The following AGBL4 variants were observed in gnomAD, a reference collection of about 807,000 sequenced individuals.
AGBL4 encodes cytosolic carboxypeptidase 6.
A neutral mutation model predicts 66.4 loss-of-function variants in AGBL4; 58 were observed. That is an observed-to-expected ratio of 0.87 (90% CI 0.71 to 1.09). The LOEUF is 1.09. Ranked by LOEUF, AGBL4 falls within the 50% of genes least tolerant of loss-of-function variation. The pLI, the probability that AGBL4 is intolerant of heterozygous loss-of-function variation, is 0.00. For synonymous variants in AGBL4, 234 were observed against 222.9 expected, an observed-to-expected ratio of 1.05 and a Z score of -0.44; for missense variants, 579 against 631.0, an observed-to-expected ratio of 0.92 and a Z score of 0.88.
chr1:49,303,375 T>G (rs1644789570), intron 3 of AGBL4, among the ~76,000 whole-genome samples: 1 of 152,204 alleles, frequency 6.6e-6, no homozygotes, highest in Non-Finnish European at 1.5e-5. Flanking sequence ...GGAATCTCAC[T>G]GTGGCTTTGA....
intron 6 of AGBL4, chr1:48,759,319 G>A (rs1220645201): frequency 6.5e-7 from 1 of 1,538,530 alleles, no homozygotes; most frequent in Non-Finnish European, 8.8e-7. Context: ...TCAGGCAAGG[G>A]CAGCTGGGAT....
chr1:49,153,551 T>A (rs1292467333), intron 4 of AGBL4, among the ~76,000 whole-genome samples: 1 of 152,088 alleles, frequency 6.6e-6, no homozygotes, highest in Non-Finnish European at 1.5e-5. Context: ...CACCATCTAA[T>A]AGAGTAAGTA....
intron 2 of AGBL4, among the ~76,000 whole-genome samples, chr1:49,711,473 G>C (rs1368629152): frequency 6.6e-6 from 1 of 151,890 alleles, no homozygotes; most frequent in African/African-American, 2.4e-5. Flanking sequence ...AAATAAAAAG[G>C]TCACACAAAA....
Position 49,406,031 on chromosome 1 carries a change from T to G in AGBL4, c.283-160167A>C, listed in dbSNP as rs145566019. ...CAACCACTATCCTTCAATTCTAGTC[T>G]CTGCTGCCCAAACAATCTTAACATA... On this transcript the variant is annotated intron_variant, in intron 3 of 13. Coordinates refer to ENST00000371839, the MANE Select transcript of AGBL4 (RefSeq NM_032785.4). Among the ~76,000 whole-genome samples, 231 of 152,352 alleles carry G rather than the reference T, an allele frequency of 1.5e-3. 2 individuals are homozygous for G. Among genetic ancestry groups the G allele is most frequent in the Middle Eastern group, 6.8e-3 (2 of 294 alleles).
chr1:48,830,916 C>T (rs909140169), intron 6 of AGBL4, among the ~76,000 whole-genome samples: 2 of 152,078 alleles, frequency 1.3e-5, no homozygotes, highest in African/African-American at 4.8e-5. Context: ...CTAGACATTC[C>T]CATTGAACAA....
intron 1 of AGBL4, among the ~76,000 whole-genome samples, chr1:49,881,255 A>T (rs1171256325): frequency 6.6e-6 from 1 of 152,100 alleles, no homozygotes; most frequent in African/African-American, 2.4e-5. Flanking sequence ...TCCATGGTGT[A>T]TATGTGCCAC....
intron 4 of AGBL4, among the ~76,000 whole-genome samples, chr1:49,218,941 C>T (rs1221380508): frequency 1.3e-5 from 2 of 152,150 alleles, no homozygotes; most frequent in Non-Finnish European, 2.9e-5. Context: ...GTGCCTTTCA[C>T]CTTCTGCCAT....
intron 1 of AGBL4, among the ~76,000 whole-genome samples, chr1:49,939,340 T>A (rs1654485936): frequency 6.6e-6 from 1 of 151,872 alleles, no homozygotes. Context: ...TTCACAGAAT[T>A]GGAAAAAACT....
chr1:48,843,336 T>G (rs1385239997), intron 6 of AGBL4, among the ~76,000 whole-genome samples: 1 of 152,174 alleles, frequency 6.6e-6, no homozygotes, highest in African/African-American at 2.4e-5. Flanking sequence ...GCCTAGAGCT[T>G]ATATAAATTT....
chr1:49,863,927 G>T (rs1054795152), intron 1 of AGBL4, among the ~76,000 whole-genome samples: 1 of 152,230 alleles, frequency 6.6e-6, no homozygotes, highest in African/African-American at 2.4e-5. Context: ...CCACTGCTGG[G>T]TATATAACCC....
intron 2 of AGBL4, chr1:49,842,346 C>A: frequency 3.6e-6 from 2 of 559,924 alleles, no homozygotes; most frequent in Admixed American, 2.5e-5. Flanking sequence ...GAGGCAGAGC[C>A]ATGGGCGGTG....
intron 3 of AGBL4, among the ~76,000 whole-genome samples, chr1:49,317,707 C>G (rs1445966126): frequency 6.6e-6 from 1 of 151,916 alleles, no homozygotes; most frequent in East Asian, 1.9e-4. Context: ...GGCAGGAAGT[C>G]TGTGTGTTGC....
At chr1:49,067,779 T>C (rs2147926459) in intron 4 of AGBL4, among the ~76,000 whole-genome samples, 1 of 152,348 alleles carries the variant, frequency 6.6e-6, no homozygotes, top group Middle Eastern at 3.4e-3. Flanking sequence ...TATTATACTT[T>C]AAGTTCTAGG....
intron 3 of AGBL4, among the ~76,000 whole-genome samples, chr1:49,627,296 AT>A (rs1243570778): frequency 5.3e-5 from 8 of 152,096 alleles, no homozygotes; most frequent in Non-Finnish European, 7.4e-5. Flanking sequence ...TAAAGAAAAT[AT>A]TTTTAAATCT....
Position 49,941,031 on chromosome 1 carries a change from A to G in AGBL4, c.34+82732T>C, listed in dbSNP as rs187627105. Among the ~76,000 whole-genome samples the G allele has an allele frequency of 4.9e-4, 75 of 152,250 alleles. No individual in the cohort carries two copies. The East Asian group carries it at 0.013, about 27-fold the overall frequency. On this transcript the variant is annotated intron_variant, in intron 1 of 13. Transcript: ENST00000371839. ...ATACAAAGGATCATAAAAGAGTACT[A>G]TGAACAATTATGAGCCAACAAATTG...
At chr1:49,465,334 C>G (rs1646607020) in intron 3 of AGBL4, among the ~76,000 whole-genome samples, 1 of 151,148 alleles carries the variant, frequency 6.6e-6, no homozygotes, top group Non-Finnish European at 1.5e-5. Flanking sequence ...ACTTTCTATA[C>G]TAACAGATCT....
chr1:49,350,209 G>GTT (rs1378236184), intron 3 of AGBL4, among the ~76,000 whole-genome samples: 16 of 136,222 alleles, frequency 1.2e-4, no homozygotes, highest in South Asian at 4.7e-4. Flanking sequence ...GTTTTGTTTT[G>GTT]TTTTTTTTTT....
intron 4 of AGBL4, among the ~76,000 whole-genome samples, chr1:49,215,881 G>A (rs1649048615): frequency 6.6e-6 from 1 of 151,834 alleles, no homozygotes; most frequent in Non-Finnish European, 1.5e-5. Flanking sequence ...TCCATTGATA[G>A]TGACATGATA....
intron 1 of AGBL4, among the ~76,000 whole-genome samples, chr1:49,941,627 A>G (rs910532524): frequency 1.3e-5 from 2 of 152,148 alleles, no homozygotes; most frequent in African/African-American, 4.8e-5. Flanking sequence ...AAGATAAAAA[A>G]TTATATGATC....
Sources: allele counts gnomAD v4.1 joint callset (sites outside exome capture counted in the v4.1 genomes callset), GRCh38; gene constraint gnomAD v4.1.1; transcripts MANE v1.5; gene names NCBI Gene and HGNC (gene_info 2026-07-23, HGNC 2026-07-21).